The following RIT2 variants were observed in gnomAD, a reference collection of about 807,000 sequenced individuals.
RIT2 encodes GTP-binding protein Rit2.
RIT2 carries 24 observed loss-of-function variants against 23.7 expected under a neutral mutation model. The ratio of observed to expected loss-of-function variants is 1.01; its 90% confidence interval spans 0.73 to 1.43. The LOEUF (loss-of-function observed/expected upper bound fraction) is 1.43, where lower values mean the gene tolerates loss of function less well. Ranked by LOEUF, RIT2 falls within the 40% of genes most tolerant of loss-of-function variation. The pLI is 0.00. For missense variants in RIT2, 236 were observed against 266.9 expected, an observed-to-expected ratio of 0.88 and a Z score of 0.81; for synonymous variants, 107 against 91.1, an observed-to-expected ratio of 1.17 and a Z score of -0.99.
At chr18:43,030,206 A>G (rs1428239503) in intron 2 of RIT2, among the ~76,000 whole-genome samples, 1 of 152,080 alleles carries the variant, frequency 6.6e-6, no homozygotes, top group Admixed American at 6.6e-5. Context: ...CAACATTCTA[A>G]AAGAATGCAT....
At chr18:42,866,643 A>AC (rs1230616229) in intron 4 of RIT2, among the ~76,000 whole-genome samples, 2 of 150,866 alleles carry the variant, frequency 1.3e-5, no homozygotes, top group Non-Finnish European at 3.0e-5. Flanking sequence ...CTGTCAGGAA[A>AC]AAAAAAAAAA....
chr18:42,968,076 T>G (rs1910279871), intron 3 of RIT2, among the ~76,000 whole-genome samples: 1 of 152,200 alleles, frequency 6.6e-6, no homozygotes, highest in Admixed American at 6.5e-5. Flanking sequence ...GTAAGAATTT[T>G]ATTTTAAGGA....
At chr18:43,095,511 TA>T (rs1202755422) in intron 1 of RIT2, among the ~76,000 whole-genome samples, 11 of 151,892 alleles carry the variant, frequency 7.2e-5, no homozygotes, top group Non-Finnish European at 1.6e-4. Flanking sequence ...TAAAGTTCAA[TA>T]AAAAAATAAA....
intron 2 of RIT2, among the ~76,000 whole-genome samples, chr18:43,014,168 C>G (rs1911417363): frequency 6.6e-6 from 1 of 151,700 alleles, no homozygotes; most frequent in African/African-American, 2.4e-5. Context: ...CAAAAATAGG[C>G]TTTAACTAAG....
chr18:42,920,531 A>T (rs1011082157), intron 4 of RIT2, among the ~76,000 whole-genome samples: 4 of 152,232 alleles, frequency 2.6e-5, no homozygotes, highest in African/African-American at 9.6e-5. Flanking sequence ...CACAGATTAA[A>T]TACTATCCTT....
At chr18:43,067,828 C>A (rs78880385) in intron 1 of RIT2, among the ~76,000 whole-genome samples, 2,415 of 152,150 alleles carry the variant, frequency 0.016, 69 homozygotes, top group African/African-American at 0.054. Context: ...ACTCTCATGA[C>A]CGGAACCAAT....
chr18:43,088,245 G>T (rs1913332570), intron 1 of RIT2, among the ~76,000 whole-genome samples: 1 of 152,162 alleles, frequency 6.6e-6, no homozygotes, highest in South Asian at 2.1e-4. Flanking sequence ...TCTGAAGCAG[G>T]CTTGCTGGGA....
chr18:43,043,737 C>T (rs1464566159), intron 1 of RIT2, among the ~76,000 whole-genome samples: 1 of 151,994 alleles, frequency 6.6e-6, no homozygotes, highest in Non-Finnish European at 1.5e-5. Context: ...TTGCAGTGAG[C>T]TGAGATAGCT....
At chr18:43,079,893 G>C (rs529784953) in intron 1 of RIT2, among the ~76,000 whole-genome samples, 2 of 152,310 alleles carry the variant, frequency 1.3e-5, no homozygotes, top group African/African-American at 4.8e-5. Flanking sequence ...TTCAGTGTCA[G>C]TCAGTAAAAG....
At chr18:43,005,029 C>A (rs1392545571) in intron 2 of RIT2, among the ~76,000 whole-genome samples, 3 of 151,652 alleles carry the variant, frequency 2.0e-5, no homozygotes, top group South Asian at 4.1e-4. Flanking sequence ...TAGCTATGGG[C>A]CCTTTAAACA....
At position 42,745,756 on chromosome 18, in the gene RIT2, T is replaced by A. The variant is rs189027005; in HGVS notation, c.427-2036A>T. On this transcript the variant is annotated intron_variant, in intron 4 of 4. Transcript: ENST00000326695. ...ATTTTCAAGTTATCACAAGTGGTAATCTTACCAAATGGTATGACACTGTAT... is the reference window on the plus strand; with the variant it reads ...ATTTTCAAGTTATCACAAGTGGTAAACTTACCAAATGGTATGACACTGTAT... Among the ~76,000 whole-genome samples, 167 of 152,280 alleles carry A rather than the reference T, an allele frequency of 1.1e-3. 1 individual carries two copies. The highest frequency in any genetic ancestry group is 3.9e-3 in the African/African-American group (161 of 41,576).
chr18:42,866,220 C>A (rs1907465956), intron 4 of RIT2, among the ~76,000 whole-genome samples: 1 of 152,056 alleles, frequency 6.6e-6, no homozygotes, highest in Non-Finnish European at 1.5e-5. Flanking sequence ...CTAATAGATA[C>A]CTTAAACTAA....
chr18:43,014,567 A>G (rs1911428306), intron 2 of RIT2, among the ~76,000 whole-genome samples: 1 of 148,760 alleles, frequency 6.7e-6, no homozygotes, highest in African/African-American at 2.5e-5. Flanking sequence ...GGAGGCCTTT[A>G]CTCCTATCTC....
chr18:43,055,618 A>G (rs1912483391), intron 1 of RIT2, among the ~76,000 whole-genome samples: 1 of 152,160 alleles, frequency 6.6e-6, no homozygotes, highest in Non-Finnish European at 1.5e-5. Context: ...ACTCCTGAAT[A>G]CAAACACAAA....
chr18:43,084,224 C>T (rs779012602), intron 1 of RIT2, among the ~76,000 whole-genome samples: 3 of 151,980 alleles, frequency 2.0e-5, no homozygotes, highest in East Asian at 3.9e-4. Flanking sequence ...TCATCAAAAC[C>T]TCAAGAAACA....
intron 1 of RIT2, among the ~76,000 whole-genome samples, chr18:43,035,678 A>T (rs1171082920): frequency 6.6e-6 from 1 of 152,148 alleles, no homozygotes; most frequent in Admixed American, 6.5e-5. Context: ...GGAATATTTG[A>T]TTTCCCTGCC....
intron 4 of RIT2, among the ~76,000 whole-genome samples, chr18:42,801,841 A>C (rs1442627293): frequency 1.3e-5 from 2 of 152,196 alleles, no homozygotes; most frequent in Non-Finnish European, 2.9e-5. Context: ...GTTTTACAAT[A>C]CACAAAAATG....
intron 1 of RIT2, among the ~76,000 whole-genome samples, chr18:43,084,110 T>G (rs1913223918): frequency 6.6e-6 from 1 of 152,192 alleles, no homozygotes. Context: ...AAGACATTTA[T>G]GCAGTCAACA....
chr18:42,852,791 CCCTCTCTT>C (rs1241889886), intron 4 of RIT2, among the ~76,000 whole-genome samples: 4 of 107,734 alleles, frequency 3.7e-5, no homozygotes, highest in Non-Finnish European at 8.0e-5. Flanking sequence ...CTCCCTCCCT[CCCTCTCTT>C]CCTCCCTCCC....
Sources: gnomAD v4.1 joint callset for allele counts (sites outside exome capture counted in the v4.1 genomes callset) on GRCh38, gnomAD v4.1.1 for gene constraint, MANE v1.5 for transcripts, NCBI Gene and HGNC (gene_info 2026-07-23, HGNC 2026-07-21) for gene names.